RUBCNL: variants seen among roughly 807,000 people sequenced by gnomAD.
The protein encoded by RUBCNL is protein associated with UVRAG as autophagy enhancer.
In RUBCNL, 62 loss-of-function variants were observed where a neutral mutation model predicts 69.5. The ratio of observed to expected loss-of-function variants is 0.89; its 90% CI spans 0.73 to 1.10. The LOEUF is 1.10. Among genes scored for constraint, RUBCNL ranks in the 50% least tolerant of loss-of-function variants. RUBCNL has a pLI of 0.00. For missense variants in RUBCNL, 768 were observed against 798.1 expected (o/e 0.96, Z 0.45); for synonymous variants, 291 against 303.6 (o/e 0.96, Z 0.43).
chr13:46,336,487 T>C lies in RUBCNL; in HGVS notation c.*6898A>G, dbSNP rs1304451824. ...CAAAGAAAATTTTTGAAAATTATTCTAATCCCACTATACAGAGATAATCAC... is the reference window on the plus strand; with the variant it reads ...CAAAGAAAATTTTTGAAAATTATTCCAATCCCACTATACAGAGATAATCAC... On this transcript the variant is annotated 3_prime_UTR_variant, in exon 15 of 15. Transcript: ENST00000429979. Among the ~76,000 whole-genome samples the C allele has an allele frequency of 6.6e-6, 1 of 152,220 alleles. No homozygotes were observed. Among genetic ancestry groups the C allele is most frequent in the East Asian group, 1.9e-4 (1 of 5,198 alleles).
At chr13:46,375,047 C>T (rs377318518) in intron 2 of RUBCNL, among the ~76,000 whole-genome samples, 1 of 152,202 alleles carries the variant, frequency 6.6e-6, no homozygotes. Context: ...CAGAGGTGCT[C>T]ACTTCCTGCT....
In RUBCNL at chr13:46,336,767, C is replaced by T. The variant is rs2048107462; in HGVS notation, c.*6618G>A. Among the ~76,000 whole-genome samples the T allele has an allele frequency of 6.6e-6, 1 of 151,940 alleles. No individual in the cohort carries two copies. Among genetic ancestry groups the T allele is most frequent in the South Asian group, 2.1e-4 (1 of 4,820 alleles). On this transcript the variant is annotated 3_prime_UTR_variant, in exon 15 of 15. Coordinates refer to ENST00000429979, the MANE Select transcript of RUBCNL (RefSeq NM_025113.5). Reference sequence around the variant, plus strand: ...GAAGAAAGAGGTGTGGAAGCGATGGCAAACATTAAAAACTGTTCTTTCAAA... The same window carrying T: ...GAAGAAAGAGGTGTGGAAGCGATGGTAAACATTAAAAACTGTTCTTTCAAA...
In RUBCNL at chr13:46,336,471, T is replaced by G. The variant is rs2048105763; in HGVS notation, c.*6914A>C. 6.6e-6 allele frequency among the ~76,000 whole-genome samples: 1 copy of G among 152,272 alleles called. No homozygotes were observed. Among genetic ancestry groups the G allele is most frequent in the South Asian group, 2.1e-4 (1 of 4,828 alleles). The stretch of plus-strand genomic sequence containing the variant: ...TATATGGTAAAATTTACAAAGAAAA[T>G]TTTTGAAAATTATTCTAATCCCACT... On this transcript the variant is annotated 3_prime_UTR_variant, in exon 15 of 15. Coordinates refer to ENST00000429979, the MANE Select transcript of RUBCNL (RefSeq NM_025113.5).
intron 11 of RUBCNL, 77 bp downstream of exon 11, chr13:46,350,036 C>T (rs1227296673): frequency 8.9e-7 from 1 of 1,122,580 alleles, no homozygotes; most frequent in Non-Finnish European, 1.3e-6. Context: ...TCTGTGGGTT[C>T]CCCAAGCTAG....
At chr13:46,350,485 C>T in intron 10 of RUBCNL, 134 bp from the exon 11 acceptor site, 2 of 648,468 alleles carry the variant, frequency 3.1e-6, no homozygotes, top group Non-Finnish European at 5.3e-6. Context: ...CATACTCAAC[C>T]TCATGACAGC....
Position 46,350,344 on chromosome 13 carries a change from C to T in RUBCNL, c.1338G>A (p.Val446=). 6.5e-7 allele frequency: 1 copy of T among 1,537,314 alleles called. No individual in the cohort carries two copies. Among genetic ancestry groups the T allele is most frequent in the African/African-American group, 1.4e-5 (1 of 73,246 alleles). ...GCGTPVEPKF[V]KRLRYCEYLG... ...GGTATTCGCAGTACCGGAGCCGCTT[C>T]ACAAACTCTGCCAAGCATACCGGAG... Residue 446 remains valine (V), a synonymous_variant, in exon 11 of 15, where the codon GTG becomes GTA. Transcript: ENST00000429979.
chr13:46,352,183 A>G (rs1346185558), intron 10 of RUBCNL, among the ~76,000 whole-genome samples: 2 of 152,222 alleles, frequency 1.3e-5, no homozygotes, highest in African/African-American at 4.8e-5. Context: ...AATGTGTCTA[A>G]TAAAATACAT....
rs117000258 is a variant in RUBCNL at position 46,335,040 on chromosome 13, C to T, written c.*8345G>A. On this transcript the variant is annotated 3_prime_UTR_variant, in exon 15 of 15. Transcript: ENST00000429979. ...AGGAAGTGGTGCAGGTCAAGCCCAACAGGAAACCTACTTGGGTAAAGAATT... is the reference window on the plus strand; with the variant it reads ...AGGAAGTGGTGCAGGTCAAGCCCAATAGGAAACCTACTTGGGTAAAGAATT... 4.4e-3 allele frequency among the ~76,000 whole-genome samples: 661 copies of T among 151,160 alleles called. 3 individuals carry two copies. The highest frequency in any genetic ancestry group is 6.6e-3 in the Non-Finnish European group (447 of 67,884).
chr13:46,368,679 C>T, intron 4 of RUBCNL, 54 bp downstream of exon 4: 8 of 1,478,478 alleles, frequency 5.4e-6, no homozygotes, highest in Non-Finnish European at 6.5e-6. Context: ...ATCAGAACAA[C>T]ACTATCTAAA....
chr13:46,377,628 T>G (rs1165844696), intron 2 of RUBCNL, among the ~76,000 whole-genome samples: 3 of 152,228 alleles, frequency 2.0e-5, no homozygotes, highest in African/African-American at 7.2e-5. Context: ...TATTTGGAAC[T>G]TCCCATACAT....
chr13:46,366,762 G>A (rs906240201), intron 5 of RUBCNL, among the ~76,000 whole-genome samples: 1 of 152,078 alleles, frequency 6.6e-6, no homozygotes, highest in Non-Finnish European at 1.5e-5. Context: ...ATGGAGAGAT[G>A]ACTAGTTTAG....
At chr13:46,356,623 T>C (rs1196590004) in intron 9 of RUBCNL, 127 bp from the exon 10 acceptor site, 6 of 725,040 alleles carry the variant, frequency 8.3e-6, no homozygotes, top group Non-Finnish European at 1.4e-5. Flanking sequence ...CACTTTTCAT[T>C]TGGGAAAGAA....
chr13:46,358,679 G>A lies in RUBCNL; in HGVS notation c.1265+807C>T, dbSNP rs2048543686. Among the ~76,000 whole-genome samples, 3 of 152,110 alleles carry A rather than the reference G, an allele frequency of 2.0e-5. No individual in the cohort carries two copies. The South Asian group carries it at 6.2e-4, about 32-fold the overall frequency. On this transcript the variant is annotated intron_variant, in intron 9 of 14. Transcript: ENST00000429979. ...AGCAATTCTTGCTCCTCAGCCTCCCGAGTAGCTGGGATTAGAGGGCTGCAC... is the reference window on the plus strand; with the variant it reads ...AGCAATTCTTGCTCCTCAGCCTCCCAAGTAGCTGGGATTAGAGGGCTGCAC...
chr13:46,362,315 A>C (rs992300299), intron 7 of RUBCNL, among the ~76,000 whole-genome samples: 5 of 152,222 alleles, frequency 3.3e-5, no homozygotes, highest in Non-Finnish European at 7.3e-5. Context: ...AACTGAAATG[A>C]GGATTAAATG....
In RUBCNL at chr13:46,341,293, C is replaced by T. The variant is rs916325937; in HGVS notation, c.*2092G>A. 5.3e-5 allele frequency among the ~76,000 whole-genome samples: 8 copies of T among 152,192 alleles called. No homozygotes were observed. The highest frequency in any genetic ancestry group is 1.9e-4 in the African/African-American group (8 of 41,442). The stretch of plus-strand genomic sequence containing the variant: ...TTCCGGCAGCCAAGGAAGAGTTGAA[C>T]AGAAAACCCACACAATCAGGAAGAC... On this transcript the variant is annotated 3_prime_UTR_variant, in exon 15 of 15. Transcript: ENST00000429979.
upstream of RUBCNL, among the ~76,000 whole-genome samples, chr13:46,388,155 G>A (rs2049289104): frequency 1.6e-5 from 2 of 128,910 alleles, no homozygotes; most frequent in South Asian, 5.2e-4. Flanking sequence ...AGTAAGCCGA[G>A]ATCGCGCCAT....
chr13:46,375,797 A>C (rs2048979560), intron 2 of RUBCNL, among the ~76,000 whole-genome samples: 1 of 152,132 alleles, frequency 6.6e-6, no homozygotes, highest in Non-Finnish European at 1.5e-5. Flanking sequence ...AGTAATAAGG[A>C]TTATAATTTA....
chr13:46,386,507 C>A (rs2049247492), intron 1 of RUBCNL, among the ~76,000 whole-genome samples: 1 of 144,252 alleles, frequency 6.9e-6, no homozygotes, highest in Non-Finnish European at 1.5e-5. Flanking sequence ...ATCAAGTTCG[C>A]AGGGGATCTG....
chr13:46,359,608 T>C lies in RUBCNL; in HGVS notation c.1143A>G (p.Arg381=). The C allele has an allele frequency of 1.3e-6, 2 of 1,592,176 alleles. No homozygotes were observed. The highest frequency in any genetic ancestry group is 1.7e-6 in the Non-Finnish European group (2 of 1,168,300). Residue 381 remains arginine, a synonymous_variant, in exon 9 of 15, where the codon CGA becomes CGG. Coordinates refer to ENST00000429979, the MANE Select transcript of RUBCNL (RefSeq NM_025113.5). ...GSIVVNEECV[R]KDFESSMNVV... ...CATTCATACTGGATTCAAAGTCTTT[T>C]CGGACACACTCTTCATTTACGACCT...
Sources: allele counts gnomAD v4.1 joint callset (sites outside exome capture counted in the v4.1 genomes callset), GRCh38; gene constraint gnomAD v4.1.1; transcripts MANE v1.5; gene names NCBI Gene and HGNC (gene_info 2026-07-23, HGNC 2026-07-21).